PLEKHA6: variants seen among roughly 807,000 people sequenced by gnomAD.
The protein encoded by PLEKHA6 is pleckstrin homology domain-containing family A member 6.
Under a neutral mutation model 116.7 loss-of-function variants are expected in PLEKHA6, and 60 were observed. The observed-to-expected ratio is 0.51, with a 90% CI of 0.42 to 0.64. The LOEUF is 0.64. PLEKHA6 is among the 30% of genes least tolerant of loss of function. The pLI, the probability that PLEKHA6 is intolerant of heterozygous loss-of-function variation, is 0.00. For synonymous variants in PLEKHA6, 489 were observed against 556.1 expected (o/e 0.88, Z 1.70); for missense variants, 1,338 against 1,422.7 (o/e 0.94, Z 0.96).
In PLEKHA6 at chr1:204,261,550, G is replaced by A. The variant is rs1442624654; in HGVS notation, c.382-102C>T. ...CCAACGCCCACAGAATGGGCAGTCAGTTGGGCCATTCCCTGCACCTGGGGC... is the reference window on the plus strand; with the variant it reads ...CCAACGCCCACAGAATGGGCAGTCAATTGGGCCATTCCCTGCACCTGGGGC... On this transcript the variant is annotated intron_variant, in intron 6 of 22. Coordinates refer to ENST00000272203, the MANE Select transcript of PLEKHA6 (RefSeq NM_014935.5). This position sits in a 1 kb window ranked among gnomAD's most constrained non-coding sequence, Gnocchi z 4.0. 3.0e-6 allele frequency: 4 copies of A among 1,322,782 alleles called. No homozygotes were observed. Among genetic ancestry groups the A allele is most frequent in the African/African-American group, 1.5e-5 (1 of 67,714 alleles). The allele number at this position is 1,322,782 out of a possible 1,614,324, so 81.9% of individuals were successfully genotyped here.
At chr1:204,377,281 G>T (rs1480591737) in intron 1 of PLEKHA6, among the ~76,000 whole-genome samples, 3 of 152,160 alleles carry the variant, frequency 2.0e-5, no homozygotes, top group African/African-American at 7.2e-5. Flanking sequence ...GCTGGGCATT[G>T]GTCTAGTCAT....
Position 204,276,800 on chromosome 1 carries a change from C to T in PLEKHA6, c.-94-1991G>A, listed in dbSNP as rs569418103. Among the ~76,000 whole-genome samples, 8 of 152,252 alleles carry T rather than the reference C, an allele frequency of 5.3e-5. No homozygotes were observed. The South Asian group carries it at 1.0e-3, about 20-fold the overall frequency. On this transcript the variant is annotated intron_variant, in intron 1 of 22. Coordinates refer to ENST00000272203, the MANE Select transcript of PLEKHA6 (RefSeq NM_014935.5). ...TACAAATGACGTCCTCATTCTATCCCGGCACTACCAATTTCAAAATAGCTT... is the reference window on the plus strand; with the variant it reads ...TACAAATGACGTCCTCATTCTATCCTGGCACTACCAATTTCAAAATAGCTT...
At chr1:204,227,562 C>A (rs1347728423) in intron 21 of PLEKHA6, among the ~76,000 whole-genome samples, 1 of 152,150 alleles carries the variant, frequency 6.6e-6, no homozygotes, top group Non-Finnish European at 1.5e-5. Context: ...CTTTTCTTAG[C>A]AGAAAAGTGA....
Position 204,261,231 on chromosome 1 carries a change from G to A in PLEKHA6, c.524+75C>T. On this transcript the variant is annotated intron_variant, in intron 7 of 22. Coordinates refer to ENST00000272203, the MANE Select transcript of PLEKHA6 (RefSeq NM_014935.5). This position sits in a 1 kb window ranked among gnomAD's most constrained non-coding sequence, Gnocchi z 4.0. ...AGTAGGCACACTGGGATTAGCAATGGCCCAGAGCTGGGTGTGTCTTCCATT... is the reference window on the plus strand; with the variant it reads ...AGTAGGCACACTGGGATTAGCAATGACCCAGAGCTGGGTGTGTCTTCCATT... 1.3e-6 allele frequency: 2 copies of A among 1,540,752 alleles called. No homozygotes were observed. Among genetic ancestry groups the A allele is most frequent in the Non-Finnish European group, 1.8e-6 (2 of 1,113,628 alleles).
At chr1:204,324,535 G>A (rs538756296) in intron 1 of PLEKHA6, among the ~76,000 whole-genome samples, 1 of 152,256 alleles carries the variant, frequency 6.6e-6, no homozygotes, top group South Asian at 2.1e-4. Context: ...GACAAGGAAA[G>A]GAACCAAATG....
At chr1:204,375,308 G>T (rs558088315) in intron 1 of PLEKHA6, among the ~76,000 whole-genome samples, 97 of 152,076 alleles carry the variant, frequency 6.4e-4, no homozygotes, top group Non-Finnish European at 1.0e-3. Flanking sequence ...AACCTCAACT[G>T]CAGTGTTTCC....
intron 1 of PLEKHA6, among the ~76,000 whole-genome samples, chr1:204,320,886 T>C (rs1672038471): frequency 6.6e-6 from 1 of 152,168 alleles, no homozygotes; most frequent in South Asian, 2.1e-4. Flanking sequence ...GCCTGATCTC[T>C]TTTGAAAAAC....
intron 1 of PLEKHA6, among the ~76,000 whole-genome samples, chr1:204,330,156 T>TAGA (rs1219332384): frequency 6.6e-6 from 1 of 152,230 alleles, no homozygotes; most frequent in Non-Finnish European, 1.5e-5. Flanking sequence ...TCCCTATCTT[T>TAGA]ACACTTGATC....
rs1669042970 is a variant in PLEKHA6 at position 204,285,412 on chromosome 1, T to C, written c.-94-10603A>G. On this transcript the variant is annotated intron_variant, in intron 1 of 22. Coordinates refer to ENST00000272203, the MANE Select transcript of PLEKHA6 (RefSeq NM_014935.5). ...ACTCAGAATTAATCTGGACAATCCA[T>C]TGTTTTCGTTTTTTTGGGTTTTTTG... Among the ~76,000 whole-genome samples the C allele has an allele frequency of 2.3e-5, 3 of 132,918 alleles. No individual in the cohort carries two copies. In the South Asian group the frequency reaches 7.0e-4, roughly 31 times the overall value. 87.2% of individuals were successfully genotyped at this position (132,918 alleles called of 152,430 possible). A position where few individuals can be genotyped will look rare whatever the true frequency, so the allele number is the denominator to read the frequency against.
chr1:204,243,110 G>A (rs1234820238), intron 15 of PLEKHA6: 2 of 399,206 alleles, frequency 5.0e-6, no homozygotes, highest in East Asian at 3.6e-5. Flanking sequence ...AGGGTGATGG[G>A]TACCTGCCCC....
intron 1 of PLEKHA6, among the ~76,000 whole-genome samples, chr1:204,374,693 C>G (rs529547403): frequency 6.6e-6 from 1 of 152,274 alleles, no homozygotes; most frequent in Non-Finnish European, 1.5e-5. Context: ...ATCCCTTTAT[C>G]CTCCTCCTCT....
At chr1:204,357,775 C>T (rs1249792828) in intron 1 of PLEKHA6, among the ~76,000 whole-genome samples, 1 of 152,240 alleles carries the variant, frequency 6.6e-6, no homozygotes, top group Non-Finnish European at 1.5e-5. Flanking sequence ...TCTGCTGTTG[C>T]GGCTTCTTCA....
chr1:204,288,232 T>A (rs1250266096), intron 1 of PLEKHA6, among the ~76,000 whole-genome samples: 1 of 152,168 alleles, frequency 6.6e-6, no homozygotes, highest in Admixed American at 6.5e-5. Context: ...CAGCCACACA[T>A]GCTGGCTGGC....
intron 1 of PLEKHA6, among the ~76,000 whole-genome samples, chr1:204,342,650 AC>A (rs145013086): frequency 0.015 from 2,300 of 152,292 alleles, 18 homozygotes; most frequent in Middle Eastern, 0.024. Flanking sequence ...GACCATGAAG[AC>A]CAAGGATTTA....
intron 17 of PLEKHA6, among the ~76,000 whole-genome samples, chr1:204,231,771 G>T (rs1024852030): frequency 6.6e-6 from 1 of 152,036 alleles, no homozygotes; most frequent in African/African-American, 2.4e-5. Flanking sequence ...ATGAGGTCTT[G>T]CTTTCTTGCT....
chr1:204,241,896 A>G, intron 15 of PLEKHA6, 82 bp from the exon 16 acceptor site: 1 of 1,464,140 alleles, frequency 6.8e-7, no homozygotes, highest in Non-Finnish European at 9.6e-7. Context: ...TTTGTTTTTT[A>G]ATGGTTGAAG....
Position 204,248,878 on chromosome 1 carries a change from C to T in PLEKHA6, c.1767G>A (p.Lys589=), listed in dbSNP as rs61749327. The part of the protein sequence containing the change: ...PAYPEKLRHK[K]DSLQNQLINI... ...TGATGAGCTGGTTCTGCAGTGAATC[C>T]TTTTTGTGTCGCAGCTTTTCTGGGT... The change falls in exon 12 of 23, where the codon AAG becomes AAA. Residue 589 remains lysine, a synonymous_variant. Transcript: ENST00000272203. 4.6e-3 allele frequency: 7,365 copies of T among 1,614,110 alleles called. 47 individuals carry two copies. Among genetic ancestry groups the T allele is most frequent in the South Asian group, 0.017 (1,534 of 91,084 alleles).
chr1:204,348,344 G>A (rs1312553470), intron 1 of PLEKHA6, among the ~76,000 whole-genome samples: 2 of 152,154 alleles, frequency 1.3e-5, no homozygotes, highest in African/African-American at 4.8e-5. Flanking sequence ...GGCAGGTTGG[G>A]CAGCTTGAAG....
intron 1 of PLEKHA6, among the ~76,000 whole-genome samples, chr1:204,334,784 A>G (rs1672582673): frequency 6.6e-6 from 1 of 152,042 alleles, no homozygotes. Flanking sequence ...CTATAATCCC[A>G]GTTACTTGGG....
Sources: allele counts gnomAD v4.1 joint callset (sites outside exome capture counted in the v4.1 genomes callset), GRCh38; gene constraint gnomAD v4.1.1; non-coding constraint Gnocchi (gnomAD v3.1); transcripts MANE v1.5; gene names NCBI Gene and HGNC (gene_info 2026-07-23, HGNC 2026-07-21).